VWA3B: variants seen among roughly 807,000 people sequenced by gnomAD.
VWA3B encodes von Willebrand factor A domain-containing protein 3B.
In VWA3B, 138 loss-of-function variants were observed where a neutral mutation model predicts 158.3. The ratio of observed to expected loss-of-function variants is 0.87; its 90% CI spans 0.76 to 1.00. The LOEUF is 1.00. Ranked by LOEUF, VWA3B falls within the 50% of genes least tolerant of loss-of-function variation. The pLI, the probability that VWA3B is intolerant of heterozygous loss-of-function variation, is 0.00. For missense variants in VWA3B, 1,555 were observed against 1,565.1 expected (o/e 0.99, Z 0.11); for synonymous variants, 596 against 587.3 (o/e 1.01, Z -0.21).
Position 98,188,114 on chromosome 2 carries a change from C to A in VWA3B, c.1451C>A (p.Ala484Asp), listed in dbSNP as rs752069341. 8 of 1,612,188 alleles carry A rather than the reference C, an allele frequency of 5.0e-6. No homozygotes were observed. In the South Asian group the frequency reaches 8.8e-5, roughly 18 times the overall value. ...AGTGAGAGAATCCACACAGCCCTGG[C>A]CCGGATCCGAAGGAGGTTGGTGTTA... is the stretch of plus-strand genomic sequence containing the variant. The part of the protein sequence containing the change: ...WYSERIHTAL[A>D]RIRRRIKWLQ... The change falls in exon 10 of 28, where the codon GCC becomes GAC. Residue 484 changes from alanine (A) to aspartate (D), a missense_variant. Coordinates refer to ENST00000477737, the MANE Select transcript of VWA3B (RefSeq NM_144992.5).
intron 14 of VWA3B, among the ~76,000 whole-genome samples, chr2:98,220,093 G>A (rs1421217285): frequency 6.9e-6 from 1 of 145,940 alleles, no homozygotes; most frequent in Non-Finnish European, 1.5e-5. Context: ...GAACCCGGGA[G>A]GCAGAGGCTG....
chr2:98,129,224 A>AGAGAGTGT (rs1370543551), intron 6 of VWA3B, among the ~76,000 whole-genome samples: 3,416 of 124,544 alleles, frequency 0.027, 59 homozygotes, highest in Middle Eastern at 0.083. Flanking sequence ...AGAGAGAGAG[A>AGAGAGTGT]GTGTGTGTGT....
intron 23 of VWA3B, chr2:98,290,849 C>T (rs1306128039): frequency 1.6e-5 from 7 of 435,916 alleles, no homozygotes; most frequent in African/African-American, 1.0e-4. Context: ...TTTAATTTCT[C>T]ATTTTTTAGT....
intron 22 of VWA3B, among the ~76,000 whole-genome samples, chr2:98,280,459 C>G (rs1381779015): frequency 1.3e-5 from 2 of 152,204 alleles, no homozygotes; most frequent in Non-Finnish European, 2.9e-5. Flanking sequence ...TAACTGTTCT[C>G]CACACCCCGG....
In VWA3B at chr2:98,207,146, C is replaced by T. The variant is rs370855252; in HGVS notation, c.1738-4784C>T. Reference sequence around the variant, plus strand: ...CCTTCTGCTGTGGGCTATCAGCCTACCCTGGCCACTGACATGGTGGGTATG... The same window carrying T: ...CCTTCTGCTGTGGGCTATCAGCCTATCCTGGCCACTGACATGGTGGGTATG... On this transcript the variant is annotated intron_variant, in intron 12 of 27. Coordinates refer to ENST00000477737, the MANE Select transcript of VWA3B (RefSeq NM_144992.5). The T allele has an allele frequency of 9.0e-5, 49 of 543,622 alleles. No homozygotes were observed. In the East Asian group the frequency reaches 2.3e-3, roughly 25 times the overall value. 33.7% of individuals were successfully genotyped at this position (543,622 alleles called of 1,614,324 possible).
intron 22 of VWA3B, among the ~76,000 whole-genome samples, chr2:98,281,177 T>A (rs1341718263): frequency 6.6e-6 from 1 of 152,248 alleles, no homozygotes; most frequent in Non-Finnish European, 1.5e-5. Flanking sequence ...TCTGGGTGGA[T>A]GAAATCCCTC....
chr2:98,298,373 GATTCTATTCTATTCTATTCT>G (rs61254436), intron 24 of VWA3B, among the ~76,000 whole-genome samples: 9,730 of 122,226 alleles, frequency 0.08, 441 homozygotes, highest in Non-Finnish European at 0.096. Context: ...AACTACAAAA[GATTCTATTCTATTCTATTCT>G]ATTCTATTCT....
Position 98,234,773 on chromosome 2 carries a change from C to T in VWA3B, c.2428+6C>T. On this transcript the variant is annotated splice_donor_region_variant and intron_variant, in intron 17 of 27. Coordinates refer to ENST00000477737, the MANE Select transcript of VWA3B (RefSeq NM_144992.5). ...GACTGCTCTAAGTGACAAAGGCAAG[C>T]CAGAAAGCATCTCTGTGGCCAACCA... The T allele has an allele frequency of 6.2e-7, 1 of 1,614,074 alleles. No individual in the cohort carries two copies. The highest frequency in any genetic ancestry group is 8.5e-7 in the Non-Finnish European group (1 of 1,179,966).
Position 98,119,627 on chromosome 2 carries a change from G to T in VWA3B, c.406G>T (p.Val136Phe), listed in dbSNP as rs1202144273. Residue 136 changes from valine (V) to phenylalanine (F), a missense_variant, in exon 4 of 28, where the codon GTC becomes TTC. Transcript: ENST00000477737. ...CAGCAAGAGCCGGCAGATTTTTGGTGTCATCTTGGAACAGTGCGTCACCAT... is the reference window on the plus strand; with the variant it reads ...CAGCAAGAGCCGGCAGATTTTTGGTTTCATCTTGGAACAGTGCGTCACCAT... ...LTSKSRQIFGVILEQCVTIVL... is the reference protein window; with the variant it reads ...LTSKSRQIFGFILEQCVTIVL... 6.2e-7 allele frequency: 1 copy of T among 1,614,124 alleles called. No homozygotes were observed.
chr2:98,114,180 A>G lies in VWA3B; in HGVS notation c.197-1472A>G, dbSNP rs539064141. On this transcript the variant is annotated intron_variant, in intron 2 of 27. Coordinates refer to ENST00000477737, the MANE Select transcript of VWA3B (RefSeq NM_144992.5). Reference sequence around the variant, plus strand: ...ACTGTTACTGGATGCAGAACTCACAATGCCTTACATTTCAATTCCCAATAC... The same window carrying G: ...ACTGTTACTGGATGCAGAACTCACAGTGCCTTACATTTCAATTCCCAATAC... Among the ~76,000 whole-genome samples, 66 of 152,304 alleles carry G rather than the reference A, an allele frequency of 4.3e-4. 2 individuals are homozygous for G. The South Asian group carries it at 0.014, about 32-fold the overall frequency.
At chr2:98,279,027 C>G (rs1355404828) in intron 22 of VWA3B, among the ~76,000 whole-genome samples, 3 of 152,120 alleles carry the variant, frequency 2.0e-5, no homozygotes, top group African/African-American at 7.2e-5. Context: ...GAAGTGGGAC[C>G]CCTGATGGGC....
chr2:98,295,786 C>T (rs1168790275), intron 23 of VWA3B, among the ~76,000 whole-genome samples: 2 of 152,216 alleles, frequency 1.3e-5, no homozygotes, highest in African/African-American at 4.8e-5. Context: ...GATCTTGAAT[C>T]AGGACACAAG....
At chr2:98,266,634 G>A (rs1272101838) in intron 21 of VWA3B, among the ~76,000 whole-genome samples, 5 of 133,408 alleles carry the variant, frequency 3.7e-5, no homozygotes, top group Non-Finnish European at 8.1e-5. Context: ...AATTACCTTG[G>A]GCAGTATGGC....
chr2:98,250,933 A>AAAAT (rs924583796), intron 20 of VWA3B, among the ~76,000 whole-genome samples: 1 of 151,982 alleles, frequency 6.6e-6, no homozygotes, highest in African/African-American at 2.4e-5. Flanking sequence ...TCTGTGATGA[A>AAAAT]AAATAAATAA....
intron 22 of VWA3B, among the ~76,000 whole-genome samples, chr2:98,286,197 T>C (rs78477325): frequency 0.19 from 28,757 of 152,098 alleles, 2,900 homozygotes; most frequent in Admixed American, 0.29. Context: ...AGTTTTCACA[T>C]ACAGAATCAT....
At chr2:98,318,984 T>A in the VWA3B span, among the ~76,000 whole-genome samples, 1 of 152,202 alleles carries the variant, frequency 6.6e-6, no homozygotes, top group Non-Finnish European at 1.5e-5. Flanking sequence ...ATTTATGGGT[T>A]CCACATCCCA....
chr2:98,212,168 G>A (rs1683582713), intron 13 of VWA3B, 140 bp downstream of exon 13: 2 of 625,700 alleles, frequency 3.2e-6, no homozygotes, highest in African/African-American at 1.8e-5. Flanking sequence ...TCAGATCTGA[G>A]GTGAGAAAAT....
chr2:98,163,683 G>C (rs984805313), intron 8 of VWA3B, among the ~76,000 whole-genome samples: 1 of 152,176 alleles, frequency 6.6e-6, no homozygotes, highest in Non-Finnish European at 1.5e-5. Context: ...CAAGGTCAGG[G>C]GGACGCCAGT....
intron 6 of VWA3B, among the ~76,000 whole-genome samples, chr2:98,132,040 T>C (rs1484556313): frequency 6.6e-6 from 1 of 152,200 alleles, no homozygotes; most frequent in Admixed American, 6.5e-5. Context: ...ACCTCGCTAG[T>C]TGAAAGAGAA....
Sources: gnomAD v4.1 joint callset for allele counts (sites outside exome capture counted in the v4.1 genomes callset) on GRCh38, gnomAD v4.1.1 for gene constraint, MANE v1.5 for transcripts, NCBI Gene and HGNC (gene_info 2026-07-23, HGNC 2026-07-21) for gene names.